The following QKI variants were observed in gnomAD, a reference collection of about 807,000 sequenced individuals.
QKI encodes KH domain-containing RNA-binding protein QKI.
Under a neutral mutation model 39.0 loss-of-function variants are expected in QKI, and 10 were observed. The observed-to-expected ratio is 0.26, with a 90% CI of 0.16 to 0.43. The LOEUF is 0.43. Ranked by LOEUF, QKI falls within the 20% of genes least tolerant of loss-of-function variation. The pLI is 1.00. For synonymous variants in QKI, 204 were observed against 155.4 expected (o/e 1.31, Z -2.33); for missense variants, 218 against 428.0 (o/e 0.51, Z 4.33).
At chr6:163,425,939 C>T (rs994934093) in intron 1 of QKI, among the ~76,000 whole-genome samples, 13 of 152,070 alleles carry the variant, frequency 8.5e-5, no homozygotes, top group African/African-American at 1.7e-4. Context: ...AAGTTTGATG[C>T]GGGCTTTTAA....
chr6:163,424,542 A>G (rs1788261435), intron 1 of QKI, among the ~76,000 whole-genome samples: 1 of 152,196 alleles, frequency 6.6e-6, no homozygotes. Context: ...TGAAATTATC[A>G]ACTGCCCTGC....
intron 3 of QKI, among the ~76,000 whole-genome samples, chr6:163,515,621 AATT>A (rs1304085271): frequency 5.3e-5 from 8 of 152,146 alleles, no homozygotes; most frequent in Non-Finnish European, 1.5e-5. Flanking sequence ...AACAGTTTGA[AATT>A]ATTCTGTATA....
intron 3 of QKI, among the ~76,000 whole-genome samples, chr6:163,489,158 T>G (rs1777888563): frequency 7.4e-6 from 1 of 135,098 alleles, no homozygotes; most frequent in Non-Finnish European, 1.6e-5. Flanking sequence ...CCTTTATTCG[T>G]TTTTTTTTTT....
At chr6:163,496,282 T>C (rs1401278435) in intron 3 of QKI, among the ~76,000 whole-genome samples, 1 of 152,200 alleles carries the variant, frequency 6.6e-6, no homozygotes, top group Admixed American at 6.5e-5. Flanking sequence ...TTCAACACAC[T>C]GAGCTTTGAT....
chr6:163,574,463 G>GA lies in QKI; in HGVS notation c.*3757dup, dbSNP rs1279099133. The stretch of plus-strand genomic sequence containing the variant: ...TGAAGCCCCGCTGCTTTCCAGTGAG[G>GA]AAAAGAACCCTCAGCACGTTACTGA... On this transcript the variant is annotated 3_prime_UTR_variant, in exon 8 of 8. Coordinates refer to ENST00000361752, the MANE Select transcript of QKI (RefSeq NM_006775.3). 1 of 152,148 alleles carries GA rather than the reference G, an allele frequency of 6.6e-6. No individual in the cohort carries two copies. Among genetic ancestry groups the GA allele is most frequent in the Admixed American group, 6.6e-5 (1 of 15,266 alleles). 9.4% of individuals were successfully genotyped at this position (152,148 alleles called of 1,614,324 possible). A position where few individuals can be genotyped will look rare whatever the true frequency, so the allele number is the denominator to read the frequency against.
intron 3 of QKI, among the ~76,000 whole-genome samples, chr6:163,514,700 G>A (rs188449863): frequency 1.4e-4 from 22 of 152,210 alleles, no homozygotes; most frequent in African/African-American, 4.8e-4. Context: ...AGTGGGAAGC[G>A]TGAATTTAAT....
chr6:163,548,025 T>G (rs1425935906), intron 4 of QKI, among the ~76,000 whole-genome samples: 1 of 152,190 alleles, frequency 6.6e-6, no homozygotes, highest in Non-Finnish European at 1.5e-5. Flanking sequence ...CCACACATAT[T>G]AAATAACTCA....
At chr6:163,557,493 C>T (rs1482478784) in intron 4 of QKI, among the ~76,000 whole-genome samples, 2 of 152,078 alleles carry the variant, frequency 1.3e-5, no homozygotes, top group African/African-American at 2.4e-5. Flanking sequence ...GTCAATTGAA[C>T]TTATGGAGAT....
intron 3 of QKI, among the ~76,000 whole-genome samples, chr6:163,488,632 C>A (rs1349840998): frequency 6.6e-6 from 1 of 152,116 alleles, no homozygotes; most frequent in African/African-American, 2.4e-5. Context: ...CAGTTGGTGA[C>A]AATTTTACAC....
intron 1 of QKI, among the ~76,000 whole-genome samples, chr6:163,427,935 T>C (rs1010720008): frequency 2.0e-5 from 3 of 152,198 alleles, no homozygotes; most frequent in African/African-American, 7.2e-5. Context: ...TTGTATTTCT[T>C]AGTAGTTGCA....
chr6:163,454,317 T>G (rs1790778479), intron 1 of QKI, among the ~76,000 whole-genome samples: 1 of 152,132 alleles, frequency 6.6e-6, no homozygotes, highest in Admixed American at 6.5e-5. Flanking sequence ...TTAAAAAAAA[T>G]GTCTATGTAT....
chr6:163,532,391 TC>T (rs1265312051), intron 3 of QKI, among the ~76,000 whole-genome samples: 1 of 152,224 alleles, frequency 6.6e-6, no homozygotes, highest in African/African-American at 2.4e-5. Context: ...ATTGCATTTT[TC>T]TTGCTGCTTT....
At chr6:163,562,448 G>C (rs1420782940) in intron 5 of QKI, among the ~76,000 whole-genome samples, 1 of 152,204 alleles carries the variant, frequency 6.6e-6, no homozygotes, top group Non-Finnish European at 1.5e-5. Flanking sequence ...TGAATTTGAA[G>C]TGTATCTGAC....
intron 3 of QKI, among the ~76,000 whole-genome samples, chr6:163,498,448 C>T (rs1778544055): frequency 6.6e-6 from 1 of 152,060 alleles, no homozygotes; most frequent in South Asian, 2.1e-4. Flanking sequence ...AAAAACAGTA[C>T]AAAGCTCTCC....
At chr6:163,562,888 A>C (rs1783121213) in intron 5 of QKI, among the ~76,000 whole-genome samples, 1 of 152,216 alleles carries the variant, frequency 6.6e-6, no homozygotes, top group Admixed American at 6.5e-5. Flanking sequence ...ATTTAGAAGT[A>C]GGGCTTTTTA....
chr6:163,503,406 T>C (rs2128232439), intron 3 of QKI, among the ~76,000 whole-genome samples: 2 of 152,214 alleles, frequency 1.3e-5, no homozygotes, highest in South Asian at 4.2e-4. Flanking sequence ...GGCCCACTTT[T>C]TAATGGAGTC....
intron 1 of QKI, among the ~76,000 whole-genome samples, chr6:163,425,091 C>G (rs1187923726): frequency 6.6e-6 from 1 of 152,122 alleles, no homozygotes. Context: ...TACTAACATT[C>G]TGGTAGTTTA....
chr6:163,471,692 C>T (rs571728882), intron 2 of QKI, among the ~76,000 whole-genome samples: 1 of 152,136 alleles, frequency 6.6e-6, no homozygotes, highest in African/African-American at 2.4e-5. Context: ...TTCATATTTT[C>T]TTCGTCCGCC....
At chr6:163,434,748 A>G (rs1391567232) in intron 1 of QKI, among the ~76,000 whole-genome samples, 2 of 152,070 alleles carry the variant, frequency 1.3e-5, no homozygotes, top group Non-Finnish European at 1.5e-5. Flanking sequence ...TGTTAATTAT[A>G]TAGATAATCT....
Sources: allele counts gnomAD v4.1 joint callset (sites outside exome capture counted in the v4.1 genomes callset), GRCh38; gene constraint gnomAD v4.1.1; transcripts MANE v1.5; gene names NCBI Gene and HGNC (gene_info 2026-07-23, HGNC 2026-07-21).